Variants in SLC25A21 observed in about 807,000 individuals in gnomAD.
SLC25A21 encodes the protein mitochondrial 2-oxodicarboxylate carrier.
SLC25A21 carries 47 observed loss-of-function variants against 43.8 expected under a neutral mutation model. The ratio of observed to expected loss-of-function variants is 1.07; its 90% CI spans 0.85 to 1.37. The LOEUF is 1.37. Among genes scored for constraint, SLC25A21 ranks in the 40% most tolerant of loss-of-function variants. SLC25A21 has a pLI of 0.00. For synonymous variants in SLC25A21, 131 were observed against 121.3 expected (o/e 1.08, Z -0.52); for missense variants, 352 against 350.2 (o/e 1.00, Z -0.04).
chr14:36,999,776 G>A (rs1960447877), intron 1 of SLC25A21, among the ~76,000 whole-genome samples: 1 of 152,110 alleles, frequency 6.6e-6, no homozygotes, highest in Admixed American at 6.6e-5. Flanking sequence ...AAAGACAACT[G>A]AAAAGTTGGG....
At chr14:36,821,650 C>G (rs1418632446) in intron 2 of SLC25A21, among the ~76,000 whole-genome samples, 2 of 152,044 alleles carry the variant, frequency 1.3e-5, no homozygotes, top group African/African-American at 4.8e-5. Context: ...AACTCTATCT[C>G]TACTAAAAAT....
intron 6 of SLC25A21, among the ~76,000 whole-genome samples, chr14:36,715,841 T>C (rs2011032): frequency 0.26 from 39,246 of 151,880 alleles, 5,190 homozygotes; most frequent in Middle Eastern, 0.35. Context: ...TACCTGTAAT[T>C]CCAGCACTTT....
chr14:36,724,084 C>A (rs976899909), intron 6 of SLC25A21, among the ~76,000 whole-genome samples: 1 of 152,164 alleles, frequency 6.6e-6, no homozygotes, highest in African/African-American at 2.4e-5. Flanking sequence ...CTTTTCCCCT[C>A]CCCCTGTTCC....
intron 1 of SLC25A21, among the ~76,000 whole-genome samples, chr14:37,027,579 G>A (rs538407042): frequency 9.2e-5 from 14 of 152,270 alleles, no homozygotes; most frequent in South Asian, 4.1e-4. Flanking sequence ...CAGTAGCTCC[G>A]GAGTGTGCTC....
intron 5 of SLC25A21, among the ~76,000 whole-genome samples, chr14:36,726,125 A>G (rs1884591650): frequency 1.3e-5 from 2 of 151,948 alleles, no homozygotes; most frequent in Admixed American, 6.5e-5. Flanking sequence ...TAAAAAGCTA[A>G]ATTTCAGGTA....
At chr14:36,768,973 A>ATATATG (rs1886518477) in intron 3 of SLC25A21, among the ~76,000 whole-genome samples, 1 of 148,398 alleles carries the variant, frequency 6.7e-6, no homozygotes, top group African/African-American at 2.5e-5. Context: ...ATCTATATCT[A>ATATATG]TATCTATATC....
intron 1 of SLC25A21, among the ~76,000 whole-genome samples, chr14:37,093,337 T>C (rs537582479): frequency 6.6e-6 from 1 of 152,364 alleles, no homozygotes; most frequent in Non-Finnish European, 1.5e-5. Flanking sequence ...ACTTTTTCTT[T>C]AGTATCCTTA....
At chr14:36,918,195 T>G (rs1891883717) in intron 1 of SLC25A21, among the ~76,000 whole-genome samples, 1 of 152,132 alleles carries the variant, frequency 6.6e-6, no homozygotes, top group East Asian at 1.9e-4. Context: ...GAGATTGAGC[T>G]GAAAAAGTTT....
intron 1 of SLC25A21, among the ~76,000 whole-genome samples, chr14:37,143,364 A>G (rs1963602699): frequency 6.6e-6 from 1 of 152,214 alleles, no homozygotes. Flanking sequence ...CTCGTGGTTC[A>G]AATCAGAATG....
chr14:36,977,087 T>C (rs1959891777), intron 1 of SLC25A21, among the ~76,000 whole-genome samples: 1 of 152,256 alleles, frequency 6.6e-6, no homozygotes, highest in African/African-American at 2.4e-5. Context: ...TTAAACATGT[T>C]GCATTTTTCT....
chr14:37,172,414 G>T lies in SLC25A21; in HGVS notation c.-64C>A. On this transcript the variant is annotated 5_prime_UTR_variant, in exon 1 of 10. It adds an upstream start codon to the 5' untranslated region. Coordinates refer to ENST00000331299, the MANE Select transcript of SLC25A21 (RefSeq NM_030631.4). ...CGTCAACGAGCTCGCAGCCTGCACA[G>T]CCTACTGATCCAGAGAGCCCCGGCT... is the stretch of plus-strand genomic sequence containing the variant. 1 of 1,503,436 alleles carries T rather than the reference G, an allele frequency of 6.7e-7. No homozygotes were observed. The highest frequency in any genetic ancestry group is 9.1e-7 in the Non-Finnish European group (1 of 1,101,928). The allele number at this position is 1,503,436 out of a possible 1,614,324, so 93.1% of individuals were successfully genotyped here.
At chr14:36,967,643 TA>T (rs1417281340) in intron 1 of SLC25A21, among the ~76,000 whole-genome samples, 1 of 152,208 alleles carries the variant, frequency 6.6e-6, no homozygotes, top group Non-Finnish European at 1.5e-5. Flanking sequence ...GTGAAAAGCA[TA>T]CAGTAACAAG....
chr14:37,026,825 ATTG>A (rs1961102367), intron 1 of SLC25A21, among the ~76,000 whole-genome samples: 1 of 152,140 alleles, frequency 6.6e-6, no homozygotes, highest in African/African-American at 2.4e-5. Context: ...TGTCAAAGAG[ATTG>A]TTATTTAAAT....
chr14:37,072,099 T>C (rs1295670369), intron 1 of SLC25A21, among the ~76,000 whole-genome samples: 2 of 148,962 alleles, frequency 1.3e-5, no homozygotes, highest in Non-Finnish European at 2.9e-5. Context: ...AGAGAATCAC[T>C]TGAACCCAGG....
intron 1 of SLC25A21, among the ~76,000 whole-genome samples, chr14:37,112,276 G>T (rs1411638466): frequency 6.6e-6 from 1 of 152,026 alleles, no homozygotes; most frequent in Admixed American, 6.6e-5. Flanking sequence ...TGTAGGACAC[G>T]GACCACTGGA....
At chr14:37,089,826 T>G (rs1365027816) in intron 1 of SLC25A21, among the ~76,000 whole-genome samples, 1 of 152,254 alleles carries the variant, frequency 6.6e-6, no homozygotes, top group Non-Finnish European at 1.5e-5. Context: ...GATTAAAATA[T>G]TCTGCTTTAG....
chr14:36,997,221 T>C (rs956782778), intron 1 of SLC25A21, among the ~76,000 whole-genome samples: 20 of 152,250 alleles, frequency 1.3e-4, no homozygotes, highest in African/African-American at 4.3e-4. Context: ...ATGGAACAAT[T>C]TGAGATTCAG....
chr14:36,718,689 G>A (rs1426724889), intron 6 of SLC25A21, among the ~76,000 whole-genome samples: 3 of 152,096 alleles, frequency 2.0e-5, no homozygotes, highest in Non-Finnish European at 4.4e-5. Flanking sequence ...TAAGTTCCCA[G>A]GATAAAGTGT....
intron 3 of SLC25A21, among the ~76,000 whole-genome samples, chr14:36,803,785 C>T (rs1190927925): frequency 1.3e-5 from 2 of 152,190 alleles, no homozygotes; most frequent in Non-Finnish European, 2.9e-5. Flanking sequence ...TGCTTCTTCA[C>T]TCCCATCTGA....
Sources: allele counts gnomAD v4.1 joint callset (sites outside exome capture counted in the v4.1 genomes callset), GRCh38; gene constraint gnomAD v4.1.1; transcripts MANE v1.5; gene names NCBI Gene and HGNC (gene_info 2026-07-23, HGNC 2026-07-21).